Variants in CT45A1 observed in about 807,000 individuals in gnomAD.
CT45A1 encodes cancer/testis antigen 45-1.
intron 1 of CT45A1, among the ~76,000 whole-genome samples, chrX:135,718,626 T>G (rs1202447237): frequency 9.1e-6 from 1 of 110,115 alleles, no homozygotes; most frequent in Non-Finnish European, 1.9e-5. Context: ...TAATACAGAT[T>G]GGCTTATACA....
chrX:135,708,610 A>C, the CT45A1 span, among the ~76,000 whole-genome samples: 1 of 110,647 alleles, frequency 9.0e-6, no homozygotes, highest in African/African-American at 3.3e-5. Flanking sequence ...TAACTTGTCA[A>C]TGTGTCACGG....
At chrX:135,709,333 G>C (rs1371845858), upstream of CT45A1, among the ~76,000 whole-genome samples, 8 of 112,558 alleles carry the variant, frequency 7.1e-5, no homozygotes, top group African/African-American at 2.3e-4. Context: ...TCACCATGTT[G>C]GCCAGGCTAG....
chrX:135,712,677 C>T (rs1431787995), upstream of CT45A1, among the ~76,000 whole-genome samples: 4 of 109,943 alleles, frequency 3.6e-5, no homozygotes, highest in Non-Finnish European at 7.6e-5. Context: ...ACTACAGGTG[C>T]GCGCCCCACG....
upstream of CT45A1, among the ~76,000 whole-genome samples, chrX:135,712,979 TTTC>T (rs1405920871): frequency 3.1e-4 from 3 of 9,581 alleles, no homozygotes; most frequent in South Asian, 8.0e-3. Context: ...CTTTCTTTTC[TTTC>T]TCCTTCCTTC....
At chrX:135,712,518 A>ATATTTATT (rs201235232), upstream of CT45A1, among the ~76,000 whole-genome samples, 152 of 106,312 alleles carry the variant, frequency 1.4e-3, no homozygotes, top group Non-Finnish European at 2.5e-3. Flanking sequence ...GGTTGAATTT[A>ATATTTATT]TATTTATTTA....
At chrX:135,709,688 A>G (rs1168042467), upstream of CT45A1, among the ~76,000 whole-genome samples, 9 of 111,609 alleles carry the variant, frequency 8.1e-5, no homozygotes, top group African/African-American at 2.6e-4. Context: ...AAAGGTAGAA[A>G]CCATTGACTC....
chrX:135,715,373 A>AATACTTATATATAATACTT (rs2087974601), intron 1 of CT45A1, among the ~76,000 whole-genome samples: 1 of 73,412 alleles, frequency 1.4e-5, no homozygotes, highest in Non-Finnish European at 2.5e-5. Context: ...TTATATATAT[A>AATACTTATATATAATACTT]ATACTTATAT....
chrX:135,708,514 G>A, the CT45A1 span, among the ~76,000 whole-genome samples: 1 of 110,501 alleles, frequency 9.0e-6, no homozygotes, highest in East Asian at 2.9e-4. Flanking sequence ...ATGTGGTTCC[G>A]CTCTGGAGAC....
At position 135,715,509 on chromosome X, in the gene CT45A1, ATATATAATACTTATAGG is replaced by A. The variant is rs1157562427; in HGVS notation, c.-7+1835_-7+1851del. Among the ~76,000 whole-genome samples the A allele has an allele frequency of 3.6e-5, 3 of 83,023 alleles. No homozygotes were observed. In the South Asian group the frequency reaches 1.8e-3, roughly 49 times the overall value. The allele number at this position is 83,023 out of a possible 115,157, so 72.1% of individuals were successfully genotyped here. The stretch of plus-strand genomic sequence containing the variant: ...ATACTTATATGTATATAATACTTAT[ATATATAATACTTATAGG>A]TATATAATACTTATATATAATACTT... On this transcript the variant is annotated intron_variant, in intron 1 of 4. Coordinates refer to ENST00000594565, the MANE Select transcript of CT45A1 (RefSeq NM_001017417.3).
upstream of CT45A1, chrX:135,713,570 G>A (rs782171658): frequency 3.7e-4 from 271 of 733,063 alleles, 1 homozygote; most frequent in African/African-American, 6.1e-3. Flanking sequence ...ACTCCCAGGT[G>A]CCCTAGGGGG....
the CT45A1 span, among the ~76,000 whole-genome samples, chrX:135,708,457 CTT>C: frequency 2.8e-4 from 31 of 110,353 alleles, no homozygotes; most frequent in Admixed American, 9.7e-4. Flanking sequence ...CAGAAAGTGT[CTT>C]TCTGGGGTGC....
upstream of CT45A1, among the ~76,000 whole-genome samples, chrX:135,713,217 T>G (rs1340603815): frequency 8.9e-4 from 66 of 74,311 alleles, no homozygotes; most frequent in African/African-American, 2.5e-3. Flanking sequence ...TTTGTGTGTG[T>G]TTTTTTTTTT....
At chrX:135,710,389 G>C (rs2087927921), upstream of CT45A1, 1 of 112,406 alleles carries the variant, frequency 8.9e-6, no homozygotes, top group African/African-American at 3.2e-5. Flanking sequence ...TTTCTCAAAA[G>C]CAATGCAAGT....
chrX:135,714,058 A>G (rs1487718512), intron 1 of CT45A1, among the ~76,000 whole-genome samples: 1 of 104,202 alleles, frequency 9.6e-6, no homozygotes, highest in Non-Finnish European at 2.0e-5. Flanking sequence ...TTTCCCACTC[A>G]GTCGCAGTCC....
chrX:135,708,500 G>A, the CT45A1 span, among the ~76,000 whole-genome samples: 1 of 110,470 alleles, frequency 9.1e-6, no homozygotes, highest in African/African-American at 3.3e-5. Flanking sequence ...CGGCTCCCTG[G>A]GTGATGTGGT....
chrX:135,718,334 G>A (rs2088007286), intron 1 of CT45A1, among the ~76,000 whole-genome samples: 2 of 110,970 alleles, frequency 1.8e-5, no homozygotes, highest in African/African-American at 6.5e-5. Context: ...TCTAAGTTCA[G>A]GGGTGATATT....
chrX:135,712,929 T>TTTTTTTCTTTC (rs1556570037), upstream of CT45A1, among the ~76,000 whole-genome samples: 39 of 62,915 alleles, frequency 6.2e-4, no homozygotes, highest in African/African-American at 3.1e-3. Flanking sequence ...TTTTCTTTTC[T>TTTTTTTCTTTC]TTTCTTTTTT....
intron 1 of CT45A1, among the ~76,000 whole-genome samples, chrX:135,718,486 T>A (rs1556572512): frequency 9.1e-6 from 1 of 110,088 alleles, no homozygotes; most frequent in African/African-American, 3.3e-5. Context: ...TATTTGAATA[T>A]ATAAGTATAA....
At chrX:135,713,011 CTCTT>C (rs377476754), upstream of CT45A1, among the ~76,000 whole-genome samples, 3 of 60,429 alleles carry the variant, frequency 5.0e-5, no homozygotes, top group African/African-American at 6.4e-5. Context: ...CTCTCTCTCT[CTCTT>C]TCTTTCTTTC....
Sources: allele counts gnomAD v4.1 joint callset (sites outside exome capture counted in the v4.1 genomes callset), GRCh38; gene constraint gnomAD v4.1.1; transcripts MANE v1.5; gene names NCBI Gene and HGNC (gene_info 2026-07-23, HGNC 2026-07-21).